The following SAMD3 variants were observed in gnomAD, a reference collection of about 807,000 sequenced individuals.
SAMD3 encodes sterile alpha motif domain containing 3.
In SAMD3, 63 loss-of-function variants were observed where a neutral mutation model predicts 58.5. That is an observed-to-expected ratio of 1.08 (90% confidence interval 0.88 to 1.33). The LOEUF (loss-of-function observed/expected upper bound fraction) is 1.33, where lower values mean the gene tolerates loss of function less well. SAMD3 is among the 40% of genes most tolerant of loss of function. The pLI is 0.00. For synonymous variants in SAMD3, 220 were observed against 210.3 expected, an observed-to-expected ratio of 1.05 and a Z score of -0.40; for missense variants, 604 against 608.4, an observed-to-expected ratio of 0.99 and a Z score of 0.08.
At chr6:130,341,648 T>C (rs912842401) in intron 1 of SAMD3, among the ~76,000 whole-genome samples, 3 of 152,190 alleles carry the variant, frequency 2.0e-5, no homozygotes, top group African/African-American at 7.2e-5. Context: ...TGTCAGTATG[T>C]AAGGATGTGG....
intron 2 of SAMD3, among the ~76,000 whole-genome samples, chr6:130,249,155 G>C (rs1773654806): frequency 6.6e-6 from 1 of 152,114 alleles, no homozygotes; most frequent in African/African-American, 2.4e-5. Context: ...AAATTCCCAG[G>C]AAAGGAAATA....
rs1464536333 is a variant in SAMD3 at position 130,332,864 on chromosome 6, T to C, written c.-303-19771A>G. On this transcript the variant is annotated intron_variant, in intron 1 of 13. Transcript: ENST00000368134. The stretch of plus-strand genomic sequence containing the variant: ...AGCTGATACAGCAGAAACATCTTTA[T>C]GTACTGGAGGAGATACGATCCAGAC... Among the ~76,000 whole-genome samples the C allele has an allele frequency of 2.0e-5, 3 of 152,184 alleles. No homozygotes were observed. The East Asian group carries it at 5.8e-4, about 29-fold the overall frequency.
At chr6:130,271,110 C>T (rs948588151) in intron 2 of SAMD3, among the ~76,000 whole-genome samples, 4 of 152,062 alleles carry the variant, frequency 2.6e-5, no homozygotes, top group Non-Finnish European at 5.9e-5. Flanking sequence ...AGCGATTCTC[C>T]TGCCTTTGCC....
At chr6:130,335,318 G>T (rs186641404) in intron 1 of SAMD3, among the ~76,000 whole-genome samples, 2 of 152,092 alleles carry the variant, frequency 1.3e-5, no homozygotes, top group Non-Finnish European at 2.9e-5. Flanking sequence ...ATGACTTGTC[G>T]CCTGACAAAC....
At chr6:130,271,640 T>C (rs1774567063) in intron 2 of SAMD3, among the ~76,000 whole-genome samples, 2 of 152,226 alleles carry the variant, frequency 1.3e-5, no homozygotes, top group South Asian at 4.1e-4. Flanking sequence ...TCTTTCTCCC[T>C]CAGCAGATTT....
At chr6:130,214,591 G>T in intron 3 of SAMD3, 65 bp from the exon 4 acceptor site, 1 of 1,197,346 alleles carries the variant, frequency 8.4e-7, no homozygotes, top group South Asian at 1.8e-5. Flanking sequence ...ATTCTGAAGA[G>T]GCAAAATTAC....
chr6:130,189,760 A>G (rs1364353663), intron 5 of SAMD3, among the ~76,000 whole-genome samples: 6 of 152,270 alleles, frequency 3.9e-5, no homozygotes, highest in East Asian at 1.9e-4. Context: ...CAGCTGTCTC[A>G]GAAACATTAA....
At chr6:130,251,890 T>C (rs1016733932) in intron 2 of SAMD3, among the ~76,000 whole-genome samples, 7 of 152,170 alleles carry the variant, frequency 4.6e-5, no homozygotes, top group African/African-American at 1.7e-4. Flanking sequence ...AATAATCTGA[T>C]CCTGAGGGTT....
intron 11 of SAMD3, 102 bp from the exon 12 acceptor site, chr6:130,144,906 G>C: frequency 2.7e-6 from 3 of 1,099,188 alleles, no homozygotes; most frequent in Non-Finnish European, 3.9e-6. Context: ...TTGTTGCAAT[G>C]TAGCATATTT....
At chr6:130,202,840 C>T (rs1339439894) in intron 5 of SAMD3, among the ~76,000 whole-genome samples, 1 of 152,166 alleles carries the variant, frequency 6.6e-6, no homozygotes, top group Non-Finnish European at 1.5e-5. Flanking sequence ...CTCTCAGATC[C>T]TTGCTCCACT....
At chr6:130,184,398 C>T (rs1387340161) in intron 6 of SAMD3, 40 bp downstream of exon 6, 2 of 1,587,424 alleles carry the variant, frequency 1.3e-6, no homozygotes, top group Non-Finnish European at 8.6e-7. Context: ...CTGAAACAGA[C>T]CCTTTCCCAA....
At chr6:130,301,522 A>G (rs911138572) in intron 2 of SAMD3, among the ~76,000 whole-genome samples, 4 of 152,154 alleles carry the variant, frequency 2.6e-5, no homozygotes, top group African/African-American at 9.7e-5. Context: ...CAATCCATAA[A>G]TTCAATGCTA....
At chr6:130,212,939 G>A (rs181081179) in intron 4 of SAMD3, among the ~76,000 whole-genome samples, 8 of 152,102 alleles carry the variant, frequency 5.3e-5, no homozygotes, top group Admixed American at 2.6e-4. Context: ...GTTCAAGAGC[G>A]TCCTTTTTTA....
At chr6:130,237,147 C>T (rs909850604) in intron 2 of SAMD3, among the ~76,000 whole-genome samples, 1 of 152,030 alleles carries the variant, frequency 6.6e-6, no homozygotes, top group Non-Finnish European at 1.5e-5. Context: ...TTTCTATCTT[C>T]AGCAGTTCAG....
chr6:130,281,843 G>A (rs985349777), intron 2 of SAMD3, among the ~76,000 whole-genome samples: 4 of 151,912 alleles, frequency 2.6e-5, no homozygotes, highest in Non-Finnish European at 4.4e-5. Context: ...AAGTCAGGAG[G>A]TGGAGGTTGC....
intron 1 of SAMD3, among the ~76,000 whole-genome samples, chr6:130,356,677 G>C (rs1430628710): frequency 6.6e-6 from 1 of 152,212 alleles, no homozygotes; most frequent in African/African-American, 2.4e-5. Flanking sequence ...TATTCCTGTA[G>C]ACGGTACCAG....
In SAMD3 at chr6:130,214,512, C is replaced by A; in HGVS notation, c.94G>T (p.Gly32Trp). ...TCATTAAGTGCAAGAAGAGCGGCCCCACTTACTTCTTCCTCTGGGAAAAAG... is the reference window on the plus strand; with the variant it reads ...TCATTAAGTGCAAGAAGAGCGGCCCAACTTACTTCTTCCTCTGGGAAAAAG... ...VHRFQEEEVS[G>W]AALLALNDRM... is the part of the protein sequence containing the mutation. The change falls in exon 4 of 12, where the codon GGG (glycine) becomes TGG (tryptophan). Residue 32 changes from glycine to tryptophan, a missense_variant. Gly to Trp is a radical substitution (Grantham distance 184). Transcript: ENST00000439090. 1 of 1,585,558 alleles carries A rather than the reference C, an allele frequency of 6.3e-7. No homozygotes were observed. The highest frequency in any genetic ancestry group is 1.2e-5 in the South Asian group (1 of 85,278).
chr6:130,325,283 C>A (rs1250850886), intron 1 of SAMD3, among the ~76,000 whole-genome samples: 2 of 152,082 alleles, frequency 1.3e-5, no homozygotes, highest in African/African-American at 4.8e-5. Context: ...GCAAGGAGAG[C>A]TAAGGAAGCT....
At chr6:130,277,531 TG>T in intron 2 of SAMD3, among the ~76,000 whole-genome samples, 2 of 152,352 alleles carry the variant, frequency 1.3e-5, no homozygotes, top group South Asian at 4.1e-4. Flanking sequence ...CATTCATAAA[TG>T]GTGTACAGTC....
Sources: gnomAD v4.1 joint callset for allele counts (sites outside exome capture counted in the v4.1 genomes callset) on GRCh38, gnomAD v4.1.1 for gene constraint, MANE v1.5 for transcripts, NCBI Gene and HGNC (gene_info 2026-07-23, HGNC 2026-07-21) for gene names.